VAMP5: variants seen among roughly 807,000 people sequenced by gnomAD.
VAMP5 encodes vesicle-associated membrane protein 5.
Under a neutral mutation model 8.1 loss-of-function variants are expected in VAMP5, and 10 were observed. The ratio of observed to expected loss-of-function variants is 1.23; its 90% CI spans 0.76 to 2.09. The LOEUF is 2.09. Among genes scored for constraint, VAMP5 ranks in the 30% most tolerant of loss-of-function variants. The pLI is 0.00. For synonymous variants in VAMP5, 62 were observed against 60.6 expected, an observed-to-expected ratio of 1.02 and a Z score of -0.11; for missense variants, 135 against 152.5, an observed-to-expected ratio of 0.89 and a Z score of 0.60.
chr2:85,591,118 T>C (rs959559587), intron 1 of VAMP5, among the ~76,000 whole-genome samples: 4 of 152,164 alleles, frequency 2.6e-5, no homozygotes, highest in Non-Finnish European at 5.9e-5. Flanking sequence ...AGCAGTGATA[T>C]AGGGAGCAGG....
At chr2:85,591,127 G>A (rs1390489769) in intron 1 of VAMP5, among the ~76,000 whole-genome samples, 1 of 152,238 alleles carries the variant, frequency 6.6e-6, no homozygotes, top group Non-Finnish European at 1.5e-5. Context: ...ATAGGGAGCA[G>A]GATCAGGCCA....
At position 85,593,338 on chromosome 2, in the gene VAMP5, G is replaced by GCTCT; in HGVS notation, c.*181_*182insCTCT. The GCTCT allele has an allele frequency of 1.5e-6, 1 of 653,232 alleles. No individual in the cohort carries two copies. The allele number at this position is 653,232 out of a possible 1,614,324, so 40.5% of individuals were successfully genotyped here. A position where few individuals can be genotyped will look rare whatever the true frequency, so the allele number is the denominator to read the frequency against. On this transcript the variant is annotated 3_prime_UTR_variant, in exon 3 of 3. Transcript: ENST00000306384. ...GCCCTTGAGGGCAGCCTGCTGTACT[G>GCTCT]GCCATGCTGGGCCAGCCCCACCTGG... is the stretch of plus-strand genomic sequence containing the variant.
chr2:85,587,883 A>G (rs1672488174), intron 1 of VAMP5, among the ~76,000 whole-genome samples: 1 of 152,186 alleles, frequency 6.6e-6, no homozygotes, highest in Non-Finnish European at 1.5e-5. Context: ...GCAATGTTAT[A>G]CCGGTACTTG....
At chr2:85,589,433 TG>T (rs1672508997) in intron 1 of VAMP5, among the ~76,000 whole-genome samples, 1 of 152,160 alleles carries the variant, frequency 6.6e-6, no homozygotes, top group African/African-American at 2.4e-5. Context: ...GGCTTCGCAT[TG>T]GGGGAGACTG....
In VAMP5 at chr2:85,593,214, G is replaced by C; in HGVS notation, c.*57G>C. 1.9e-6 allele frequency: 3 copies of C among 1,590,470 alleles called. No individual in the cohort carries two copies. The highest frequency in any genetic ancestry group is 2.6e-6 in the Non-Finnish European group (3 of 1,166,272). On this transcript the variant is annotated 3_prime_UTR_variant, in exon 3 of 3. Transcript: ENST00000306384. The stretch of plus-strand genomic sequence containing the variant: ...CTGCACTGGCCGATTCTGGTCTCCA[G>C]AGGACCTTGGTGTTTGCTCTCCCTT...
intron 1 of VAMP5, among the ~76,000 whole-genome samples, chr2:85,586,537 T>C (rs547825806): frequency 1.2e-4 from 18 of 151,122 alleles, no homozygotes; most frequent in African/African-American, 3.7e-4. Flanking sequence ...GATCGCGCCA[T>C]TGCACTCCAG....
At chr2:85,584,602 C>G in intron 1 of VAMP5, 109 bp downstream of exon 1, 3 of 1,197,558 alleles carry the variant, frequency 2.5e-6, no homozygotes, top group Non-Finnish European at 3.1e-6. Flanking sequence ...CTGGGGCCCA[C>G]GAGGGCCAGA....
In VAMP5 at chr2:85,586,810, G is replaced by A. The variant is rs1480727694; in HGVS notation, c.3+2317G>A. ...GATGCAGCCGGGCGCGGTGGCTCAC[G>A]CCTGTAATCCCAGCACTTTGAGAGA... On this transcript the variant is annotated intron_variant, in intron 1 of 2. Transcript: ENST00000306384. Among the ~76,000 whole-genome samples, 5 of 152,020 alleles carry A rather than the reference G, an allele frequency of 3.3e-5. No individual in the cohort carries two copies. The South Asian group carries it at 6.2e-4, about 19-fold the overall frequency.
chr2:85,591,590 T>C, intron 1 of VAMP5, 135 bp from the exon 2 acceptor site: 1 of 1,350,326 alleles, frequency 7.4e-7, no homozygotes, highest in South Asian at 1.4e-5. Context: ...GCACACATCA[T>C]ACCCTTACAC....
chr2:85,591,998 A>G, intron 2 of VAMP5, 136 bp downstream of exon 2: 1 of 1,320,920 alleles, frequency 7.6e-7, no homozygotes, highest in South Asian at 1.4e-5. Context: ...GGGTTTCCTC[A>G]GGCACCCATA....
chr2:85,591,706 C>T lies in VAMP5; in HGVS notation c.4-19C>T, dbSNP rs1672540239. On this transcript the variant is annotated intron_variant, in intron 1 of 2. Coordinates refer to ENST00000306384, the MANE Select transcript of VAMP5 (RefSeq NM_006634.3). ...AGGTGGGGGCCTCATGCAGCCCTGA[C>T]CTCGGGCTTGGTGTCCAGGCAGGAA... 1.9e-6 allele frequency: 3 copies of T among 1,613,750 alleles called. No homozygotes were observed. The South Asian group carries it at 3.3e-5, about 18-fold the overall frequency.
intron 1 of VAMP5, among the ~76,000 whole-genome samples, chr2:85,587,261 AT>A (rs10594889): frequency 0.022 from 3,224 of 145,440 alleles, 40 homozygotes; most frequent in Middle Eastern, 0.036. Flanking sequence ...GTATTACACA[AT>A]TTTTTTTTTT....
At chr2:85,588,114 C>T (rs1425247997) in intron 1 of VAMP5, among the ~76,000 whole-genome samples, 8 of 152,260 alleles carry the variant, frequency 5.3e-5, no homozygotes, top group East Asian at 3.9e-4. Flanking sequence ...CTCAGCCTCC[C>T]GAGTAGCTGG....
intron 1 of VAMP5, among the ~76,000 whole-genome samples, chr2:85,587,766 C>A (rs560939017): frequency 6.6e-6 from 1 of 152,140 alleles, no homozygotes; most frequent in East Asian, 1.9e-4. Context: ...AGGTCATATC[C>A]TCAGTCTCAG....
At chr2:85,591,471 T>C in intron 1 of VAMP5, 1 of 472,160 alleles carries the variant, frequency 2.1e-6, no homozygotes, top group Non-Finnish European at 3.8e-6. Context: ...GCTGAGGTGC[T>C]GGAAGCCGGG....
Position 85,591,718 on chromosome 2 carries a change from T to C in VAMP5, c.4-7T>C. The C allele has an allele frequency of 6.2e-7, 1 of 1,613,976 alleles. No homozygotes were observed. Among genetic ancestry groups the C allele is most frequent in the Middle Eastern group, 1.6e-4 (1 of 6,062 alleles). On this transcript the variant is annotated splice_region_variant and splice_polypyrimidine_tract_variant and intron_variant, in intron 1 of 2. Coordinates refer to ENST00000306384, the MANE Select transcript of VAMP5 (RefSeq NM_006634.3). ...CATGCAGCCCTGACCTCGGGCTTGG[T>C]GTCCAGGCAGGAATAGAGTTGGAGC...
At chr2:85,587,071 T>C (rs567162374) in intron 1 of VAMP5, among the ~76,000 whole-genome samples, 1 of 148,516 alleles carries the variant, frequency 6.7e-6, no homozygotes, top group Non-Finnish European at 1.5e-5. Flanking sequence ...TGAGACACCA[T>C]CTCAAAAAAA....
intron 1 of VAMP5, among the ~76,000 whole-genome samples, chr2:85,588,329 T>C (rs1412822342): frequency 6.6e-6 from 1 of 152,166 alleles, no homozygotes; most frequent in African/African-American, 2.4e-5. Context: ...TTGAGTGTCA[T>C]AGAGGGGATA....
chr2:85,591,568 G>GAC, intron 1 of VAMP5, 157 bp from the exon 2 acceptor site: 1 of 1,153,812 alleles, frequency 8.7e-7, no homozygotes, highest in African/African-American at 1.6e-5. Flanking sequence ...CCGAAGGCCA[G>GAC]ACCTTCACTC....
Sources: gnomAD v4.1 joint callset for allele counts (sites outside exome capture counted in the v4.1 genomes callset) on GRCh38, gnomAD v4.1.1 for gene constraint, MANE v1.5 for transcripts, NCBI Gene and HGNC (gene_info 2026-07-23, HGNC 2026-07-21) for gene names.